Variants in BFSP1 observed in about 807,000 individuals in gnomAD.
BFSP1 encodes the protein beaded filament structural protein 1, also known as filensin.
BFSP1 carries 38 observed loss-of-function variants against 43.9 expected under a neutral mutation model. That is an observed-to-expected ratio of 0.87 (90% CI 0.67 to 1.14). The LOEUF (loss-of-function observed/expected upper bound fraction) is 1.14. BFSP1 is among the 50% of genes most tolerant of loss of function. The pLI, the probability that BFSP1 is intolerant of heterozygous loss-of-function variation, is 0.00. For missense variants in BFSP1, 850 were observed against 875.1 expected (o/e 0.97, Z 0.36); for synonymous variants, 352 against 354.8 (o/e 0.99, Z 0.09).
intron 1 of BFSP1, among the ~76,000 whole-genome samples, chr20:17,528,654 C>T (rs748889418): frequency 1.7e-4 from 26 of 152,228 alleles, no homozygotes; most frequent in Non-Finnish European, 3.5e-4. Flanking sequence ...CTGCCACCCA[C>T]AGGCCCTCTC....
chr20:17,506,260 G>A (rs2033934516), intron 5 of BFSP1, among the ~76,000 whole-genome samples: 1 of 152,140 alleles, frequency 6.6e-6, no homozygotes, highest in African/African-American at 2.4e-5. Context: ...CTCTGGACAA[G>A]GGCCCAGGCT....
chr20:17,503,835 A>T (rs1022940661), intron 5 of BFSP1, among the ~76,000 whole-genome samples: 6 of 152,176 alleles, frequency 3.9e-5, no homozygotes, highest in African/African-American at 1.4e-4. Context: ...AGACATGGGA[A>T]AGTCAGTGTG....
chr20:17,496,082 C>G (rs376400057), intron 7 of BFSP1, among the ~76,000 whole-genome samples: 1 of 152,164 alleles, frequency 6.6e-6, no homozygotes, highest in African/African-American at 2.4e-5. Context: ...ACCCCTTGTT[C>G]CAAATTATTA....
chr20:17,494,332 T>C lies in BFSP1; in HGVS notation c.1740A>G (p.Ala580=). The C allele has an allele frequency of 1.2e-6, 2 of 1,614,154 alleles. No individual in the cohort carries two copies. The highest frequency in any genetic ancestry group is 1.7e-6 in the Non-Finnish European group (2 of 1,179,976). ...GAGGCTCAGGTATAGATGGTTCCTC[T>C]GCACCGGGTGTGACCATGGCACAGG... ...RRPCAMVTPG[A]EEPSIPEPPK... The change falls in exon 8 of 8, where the codon GCA becomes GCG. Residue 580 remains alanine, a synonymous_variant. Coordinates refer to ENST00000377873, the MANE Select transcript of BFSP1 (RefSeq NM_001195.5).
intron 3 of BFSP1, 24 bp from the exon 4 acceptor site, chr20:17,512,092 T>C: frequency 6.4e-7 from 1 of 1,559,024 alleles, no homozygotes; most frequent in Non-Finnish European, 8.8e-7. Flanking sequence ...GAAAACATTC[T>C]CATTATAAGT....
At chr20:17,539,194 T>C (rs1465780771) in intron 1 of BFSP1, among the ~76,000 whole-genome samples, 1 of 129,434 alleles carries the variant, frequency 7.7e-6, no homozygotes, top group African/African-American at 3.0e-5. Flanking sequence ...CACTGCAGCC[T>C]CAACCTCCTG....
At chr20:17,541,096 G>A (rs1284305573) in intron 1 of BFSP1, 4 of 200,632 alleles carry the variant, frequency 2.0e-5, no homozygotes, top group South Asian at 1.7e-4. Flanking sequence ...AGGCTGAGGC[G>A]GGAGGATCAC....
chr20:17,546,012 C>T (rs186585085), intron 1 of BFSP1, among the ~76,000 whole-genome samples: 7 of 152,272 alleles, frequency 4.6e-5, no homozygotes, highest in Admixed American at 4.6e-4. Context: ...TTACCACTTA[C>T]CTTGAATTCT....
At chr20:17,506,397 A>G (rs2033937943) in intron 5 of BFSP1, among the ~76,000 whole-genome samples, 1 of 152,254 alleles carries the variant, frequency 6.6e-6, no homozygotes, top group African/African-American at 2.4e-5. Context: ...GCAGCAACAG[A>G]AAATGGACAC....
intron 1 of BFSP1, among the ~76,000 whole-genome samples, chr20:17,557,542 G>A (rs2035013406): frequency 6.6e-6 from 1 of 152,206 alleles, no homozygotes; most frequent in African/African-American, 2.4e-5. Flanking sequence ...ATCCATGAGT[G>A]GTTGTAGGAG....
At chr20:17,565,494 C>T (rs986087612) in intron 1 of BFSP1, 119 of 152,198 alleles carry the variant, frequency 7.8e-4, no homozygotes, top group African/African-American at 2.8e-3. Context: ...AACAGTCACA[C>T]CTTGCAGCAA....
intron 4 of BFSP1, among the ~76,000 whole-genome samples, chr20:17,511,181 C>G (rs981084684): frequency 6.6e-6 from 1 of 152,144 alleles, no homozygotes; most frequent in Admixed American, 6.6e-5. Context: ...AAAAGCGTTA[C>G]TATCCCGTTG....
intron 2 of BFSP1, among the ~76,000 whole-genome samples, chr20:17,518,797 G>T (rs2034256875): frequency 6.6e-6 from 1 of 152,202 alleles, no homozygotes; most frequent in Non-Finnish European, 1.5e-5. Context: ...TCCTCAGAGT[G>T]ACCCAGCTCT....
intron 1 of BFSP1, among the ~76,000 whole-genome samples, chr20:17,538,539 A>T (rs1392392058): frequency 6.6e-6 from 1 of 152,244 alleles, no homozygotes; most frequent in Admixed American, 6.5e-5. Context: ...AGATGGTATC[A>T]TGATCTCAGC....
At position 17,494,208 on chromosome 20, in the gene BFSP1, C is replaced by T; in HGVS notation, c.1864G>A (p.Val622Met). Residue 622 changes from valine to methionine, a missense_variant, in exon 8 of 8, where the codon GTG (valine) becomes ATG (methionine). Coordinates refer to ENST00000377873, the MANE Select transcript of BFSP1 (RefSeq NM_001195.5). The stretch of plus-strand genomic sequence containing the variant: ...TTCTCGATAGATTCCACCACTTCCA[C>T]TGTCTTATAGGCCAAAGCCTTGGGA... The part of the protein sequence containing the change: ...GPPKALAYKT[V>M]EVVESIEKIS... The T allele has an allele frequency of 6.2e-7, 1 of 1,614,194 alleles. No individual in the cohort carries two copies. The highest frequency in any genetic ancestry group is 8.5e-7 in the Non-Finnish European group (1 of 1,180,046).
intron 3 of BFSP1, among the ~76,000 whole-genome samples, chr20:17,513,504 A>T (rs1232051607): frequency 1.3e-5 from 2 of 152,164 alleles, no homozygotes; most frequent in Admixed American, 6.5e-5. Context: ...GGTAGAAGCA[A>T]GGAGGTGGGT....
upstream of BFSP1, among the ~76,000 whole-genome samples, chr20:17,535,057 C>A (rs2034604801): frequency 6.6e-6 from 1 of 151,888 alleles, no homozygotes; most frequent in Non-Finnish European, 1.5e-5. Flanking sequence ...AATATGGATC[C>A]TAGACTGGAT....
chr20:17,508,866 A>G (rs1235199143), intron 5 of BFSP1, 23 bp downstream of exon 5: 6 of 1,534,010 alleles, frequency 3.9e-6, no homozygotes, highest in Non-Finnish European at 5.3e-6. Flanking sequence ...GCCCCAATGC[A>G]CACGCGGCAG....
chr20:17,560,522 G>A (rs2035057688), upstream of BFSP1: 2 of 152,100 alleles, frequency 1.3e-5, no homozygotes, highest in South Asian at 2.1e-4. Context: ...TCATATTCCT[G>A]GTAGCTAACA....
Sources: allele counts gnomAD v4.1 joint callset (sites outside exome capture counted in the v4.1 genomes callset), GRCh38; gene constraint gnomAD v4.1.1; transcripts MANE v1.5; gene names NCBI Gene and HGNC (gene_info 2026-07-23, HGNC 2026-07-21).